The following ZNF761 variants were observed in gnomAD, a reference collection of about 807,000 sequenced individuals.
The protein encoded by ZNF761 is zinc finger protein 761.
In ZNF761, 43 loss-of-function variants were observed where a neutral mutation model predicts 59.9. That is an observed-to-expected ratio of 0.72 (90% confidence interval 0.56 to 0.92). ZNF761 has a LOEUF of 0.92. Among genes scored for constraint, ZNF761 ranks in the 40% least tolerant of loss-of-function variants. The pLI is 0.00. For synonymous variants in ZNF761, 294 were observed against 304.8 expected, an observed-to-expected ratio of 0.96 and a Z score of 0.37; for missense variants, 850 against 906.1, an observed-to-expected ratio of 0.94 and a Z score of 0.79.
intron 1 of ZNF761, among the ~76,000 whole-genome samples, chr19:53,441,398 AT>A (rs1329271005): frequency 6.7e-6 from 1 of 148,714 alleles, no homozygotes; most frequent in Non-Finnish European, 1.5e-5. Context: ...TATTTTACTT[AT>A]TTATTTATTT....
Position 53,441,834 on chromosome 19 carries a change from G to A in ZNF761, c.-184-4393G>A, listed in dbSNP as rs891714062. On this transcript the variant is annotated intron_variant, in intron 1 of 4. Coordinates refer to ENST00000684525, the MANE Select transcript of ZNF761 (RefSeq NM_001289951.2). ...ATGCCGAGTGGAGGAAGGAGGAACC[G>A]GAGTGTGAGCAGTAGCTGGGTGGGC... 2.1e-4 allele frequency: 311 copies of A among 1,486,334 alleles called. 1 individual carries two copies. The highest frequency in any genetic ancestry group is 2.4e-4 in the Non-Finnish European group (260 of 1,084,154). The allele number at this position is 1,486,334 out of a possible 1,614,324, so 92.1% of individuals were successfully genotyped here.
intron 1 of ZNF761, among the ~76,000 whole-genome samples, chr19:53,445,639 C>T (rs2086149543): frequency 6.6e-6 from 1 of 151,852 alleles, no homozygotes; most frequent in African/African-American, 2.4e-5. Flanking sequence ...GGGGAGTGCC[C>T]AGCTGTAATT....
intron 1 of ZNF761, among the ~76,000 whole-genome samples, chr19:53,438,843 GGA>G (rs2086069271): frequency 6.6e-6 from 1 of 152,160 alleles, no homozygotes; most frequent in African/African-American, 2.4e-5. Flanking sequence ...AGGAGATGGA[GGA>G]GATCCTGGGT....
Position 53,455,278 on chromosome 19 carries a change from A to G in ZNF761, c.771A>G (p.Leu257=), listed in dbSNP as rs116716703. The G allele has an allele frequency of 5.3e-4, 855 of 1,614,206 alleles. 2 individuals are homozygous for G. In the African/African-American group the frequency reaches 9.9e-3, roughly 19 times the overall value. Residue 257 remains leucine (L), a synonymous_variant, in exon 5 of 5, where the codon CTA becomes CTG. Transcript: ENST00000684525. ...CGKLFNQKRN[L]ACHRRCHTGE... Reference sequence around the variant, plus strand: ...AGCTCTTTAATCAGAAGCGAAACCTAGCATGCCATCGTAGATGTCACACTG... The same window carrying G: ...AGCTCTTTAATCAGAAGCGAAACCTGGCATGCCATCGTAGATGTCACACTG...
chr19:53,449,353 C>T (rs1328431712), intron 3 of ZNF761, among the ~76,000 whole-genome samples, 159 bp from the exon 4 acceptor site: 1 of 151,868 alleles, frequency 6.6e-6, no homozygotes, highest in African/African-American at 2.4e-5. Flanking sequence ...TTTAGTAAAA[C>T]ACAACTGGGA....
chr19:53,455,045 A>C lies in ZNF761; in HGVS notation c.538A>C (p.Ile180Leu). 6.2e-7 allele frequency: 1 copy of C among 1,614,156 alleles called. No individual in the cohort carries two copies. Among genetic ancestry groups the C allele is most frequent in the East Asian group, 2.2e-5 (1 of 44,872 alleles). ...DASLVSTAQR[I>L]SCRPKTHISN... Reference sequence around the variant, plus strand: ...TTCCTTGGTTTCAACAGCCCAAAGAATTTCTTGTAGGCCCAAAACCCATAT... The same window carrying C: ...TTCCTTGGTTTCAACAGCCCAAAGACTTTCTTGTAGGCCCAAAACCCATAT... The change falls in exon 5 of 5, where the codon ATT becomes CTT. Residue 180 changes from isoleucine to leucine, a missense_variant. By Grantham distance (5) the Ile-to-Leu change is conservative (BLOSUM62 2). Coordinates refer to ENST00000684525, the MANE Select transcript of ZNF761 (RefSeq NM_001289951.2).
chr19:53,434,049 C>T (rs1484323301), intron 1 of ZNF761, among the ~76,000 whole-genome samples: 2 of 152,144 alleles, frequency 1.3e-5, no homozygotes, highest in Non-Finnish European at 2.9e-5. Flanking sequence ...TGGCATTTCT[C>T]GTTTTTGTGG....
chr19:53,446,066 C>T (rs1389212581), intron 1 of ZNF761, among the ~76,000 whole-genome samples, 161 bp from the exon 2 acceptor site: 1 of 152,212 alleles, frequency 6.6e-6, no homozygotes, highest in Non-Finnish European at 1.5e-5. Flanking sequence ...TGATCACGGC[C>T]CTGTGCCTTT....
chr19:53,433,180 C>G (rs2085994519), intron 1 of ZNF761, among the ~76,000 whole-genome samples: 2 of 152,230 alleles, frequency 1.3e-5, no homozygotes, highest in South Asian at 4.1e-4. Flanking sequence ...CGCACCGGCT[C>G]AGTGGATTTA....
In ZNF761 at chr19:53,456,899, A is replaced by T; in HGVS notation, c.*151A>T. ...GACAGGAGAATTCATACTGGAGAGA[A>T]AGCTTATAAATGTGAAGAATGTCAC... On this transcript the variant is annotated 3_prime_UTR_variant, in exon 5 of 5. Coordinates refer to ENST00000684525, the MANE Select transcript of ZNF761 (RefSeq NM_001289951.2). 1 of 922,052 alleles carries T rather than the reference A, an allele frequency of 1.1e-6. No homozygotes were observed. The highest frequency in any genetic ancestry group is 1.6e-5 in the South Asian group (1 of 62,372). The allele number at this position is 922,052 out of a possible 1,614,324, so 57.1% of individuals were successfully genotyped here.
intron 4 of ZNF761, 152 bp downstream of exon 4, chr19:53,449,790 G>C (rs1208159673): frequency 5.3e-5 from 77 of 1,455,484 alleles, no homozygotes; most frequent in Non-Finnish European, 7.0e-5. Flanking sequence ...CTTGGCTCAA[G>C]TGATTGTCCC....
rs563103194 is a variant in ZNF761, at chr19:53,441,010, G to C, written c.-184-5217G>C. On this transcript the variant is annotated intron_variant, in intron 1 of 4. Coordinates refer to ENST00000684525, the MANE Select transcript of ZNF761 (RefSeq NM_001289951.2). ...CTTTTCAAAAGGGATATCAAAACGT[G>C]GTGGCCCCTGCCATTAACCACAGCA... Among the ~76,000 whole-genome samples the C allele has an allele frequency of 2.6e-5, 4 of 152,300 alleles. No individual in the cohort carries two copies. The South Asian group carries it at 6.2e-4, about 24-fold the overall frequency.
At chr19:53,454,406 C>T (rs765498042) in intron 4 of ZNF761, among the ~76,000 whole-genome samples, 1 of 152,126 alleles carries the variant, frequency 6.6e-6, no homozygotes, top group Non-Finnish European at 1.5e-5. Context: ...CTTTAGGCTA[C>T]ACATGTTTGT....
At chr19:53,446,984 C>T (rs142683751) in intron 2 of ZNF761, among the ~76,000 whole-genome samples, 1,712 of 152,214 alleles carry the variant, frequency 0.011, 17 homozygotes, top group Non-Finnish European at 0.017. Context: ...AAGGGGAGCC[C>T]ATTCCAGCCC....
intron 1 of ZNF761, among the ~76,000 whole-genome samples, chr19:53,445,953 A>G (rs1348056528): frequency 6.6e-6 from 1 of 152,056 alleles, no homozygotes; most frequent in Admixed American, 6.5e-5. Context: ...CCCTCATCTC[A>G]TGACTCCCTC....
At chr19:53,449,367 C>T (rs942760296) in intron 3 of ZNF761, 145 bp from the exon 4 acceptor site, 10 of 1,592,576 alleles carry the variant, frequency 6.3e-6, no homozygotes, top group Non-Finnish European at 8.6e-6. Context: ...ACTGGGAAGA[C>T]AAAATGCGGT....
chr19:53,454,606 CA>C, intron 4 of ZNF761, 43 bp from the exon 5 acceptor site: 1 of 1,511,548 alleles, frequency 6.6e-7, no homozygotes, highest in Non-Finnish European at 8.9e-7. Context: ...CATTATTTAC[CA>C]TCTGTACTTA....
chr19:53,432,914 G>T (rs1424199846), intron 1 of ZNF761, among the ~76,000 whole-genome samples: 5 of 151,924 alleles, frequency 3.3e-5, no homozygotes, highest in African/African-American at 1.2e-4. Context: ...AGGCTCATCA[G>T]GGTGAGGGAG....
intron 1 of ZNF761, among the ~76,000 whole-genome samples, chr19:53,440,438 A>G (rs1421291468): frequency 3.3e-5 from 5 of 151,336 alleles, no homozygotes; most frequent in Non-Finnish European, 5.9e-5. Flanking sequence ...ATAACTTAAA[A>G]TTTGTTTAAA....
Sources: allele counts gnomAD v4.1 joint callset (sites outside exome capture counted in the v4.1 genomes callset), GRCh38; gene constraint gnomAD v4.1.1; transcripts MANE v1.5; gene names NCBI Gene and HGNC (gene_info 2026-07-23, HGNC 2026-07-21).